TYW1: variants seen among roughly 807,000 people sequenced by gnomAD.
TYW1 encodes the protein tRNA-yW synthesizing protein 1 homolog.
In TYW1, 46 loss-of-function variants were observed where a neutral mutation model predicts 96.2. That is an observed-to-expected ratio of 0.48 (90% CI 0.38 to 0.61). The LOEUF is 0.61. TYW1 is among the 20% of genes least tolerant of loss of function. The probability of loss-of-function intolerance (pLI) is 0.00; values close to 1 mark genes in which losing one functional copy is unlikely to be tolerated. For missense variants in TYW1, 684 were observed against 909.6 expected (o/e 0.75, Z 3.19); for synonymous variants, 274 against 323.0 (o/e 0.85, Z 1.63).
At chr7:67,191,246 A>C (rs1269927571) in intron 14 of TYW1, among the ~76,000 whole-genome samples, 1 of 152,172 alleles carries the variant, frequency 6.6e-6, no homozygotes, top group African/African-American at 2.4e-5. Context: ...ACATTTCAGC[A>C]TGAGGTTTGA....
At chr7:67,050,407 G>A (rs10238245) in intron 8 of TYW1, among the ~76,000 whole-genome samples, 36,436 of 152,010 alleles carry the variant, frequency 0.24, 4,628 homozygotes, top group African/African-American at 0.31. Context: ...TCATATCTGG[G>A]TTTTTGTGGT....
chr7:67,004,986 C>T (rs1793520172), intron 3 of TYW1, among the ~76,000 whole-genome samples: 1 of 152,114 alleles, frequency 6.6e-6, no homozygotes, highest in African/African-American at 2.4e-5. Flanking sequence ...CAACTCCTGA[C>T]CTCAGGTGAT....
At chr7:67,168,753 C>T (rs552660702) in intron 13 of TYW1, among the ~76,000 whole-genome samples, 43 of 151,844 alleles carry the variant, frequency 2.8e-4, no homozygotes, top group African/African-American at 1.0e-3. Flanking sequence ...GCTCTGTTGC[C>T]CAGGCTGGAG....
chr7:67,001,567 G>T (rs1426352516), intron 3 of TYW1, among the ~76,000 whole-genome samples: 1 of 151,376 alleles, frequency 6.6e-6, no homozygotes, highest in Admixed American at 6.6e-5. Context: ...GACTATAGGC[G>T]CCCACCACTA....
intron 13 of TYW1, among the ~76,000 whole-genome samples, chr7:67,126,602 A>T (rs985042799): frequency 3.3e-5 from 5 of 152,132 alleles, no homozygotes; most frequent in African/African-American, 1.2e-4. Flanking sequence ...TTTGCCTTTT[A>T]CATTTAATTT....
At chr7:67,220,952 CG>C (rs1214389487) in intron 15 of TYW1, among the ~76,000 whole-genome samples, 24 of 151,944 alleles carry the variant, frequency 1.6e-4, no homozygotes, top group Admixed American at 1.2e-3. Flanking sequence ...GTCTTGAACT[CG>C]GGACCTCAGG....
intron 12 of TYW1, among the ~76,000 whole-genome samples, chr7:67,102,926 G>A (rs62468374): frequency 0.04 from 6,090 of 152,302 alleles, 180 homozygotes; most frequent in Middle Eastern, 0.1. Flanking sequence ...TGGGATTATA[G>A]GCGTGAGCCA....
At chr7:67,153,500 A>G (rs542426545) in intron 13 of TYW1, among the ~76,000 whole-genome samples, 1 of 152,328 alleles carries the variant, frequency 6.6e-6, no homozygotes, top group East Asian at 1.9e-4. Context: ...ATATATGTAG[A>G]TGTATATTTG....
intron 11 of TYW1, among the ~76,000 whole-genome samples, chr7:67,092,514 T>A (rs1300236354): frequency 6.6e-6 from 1 of 152,046 alleles, no homozygotes; most frequent in Non-Finnish European, 1.5e-5. Flanking sequence ...GTCTTTGCCC[T>A]CTTGGCCTAC....
At chr7:67,072,164 G>A (rs2115699751) in intron 10 of TYW1, among the ~76,000 whole-genome samples, 1 of 148,772 alleles carries the variant, frequency 6.7e-6, no homozygotes, top group South Asian at 2.2e-4. Flanking sequence ...ATTCAGCTGT[G>A]TATTGTTTAC....
At chr7:67,098,512 A>C (rs1796988010) in intron 11 of TYW1, 29 bp from the exon 12 acceptor site, 1 of 1,525,354 alleles carries the variant, frequency 6.6e-7, no homozygotes, top group Admixed American at 2.1e-5. Context: ...TGCCTTATGT[A>C]GCTGGGTCCT....
rs1218418243 is a variant in TYW1, at chr7:67,010,664, A to G, written c.375+980A>G. Among the ~76,000 whole-genome samples the G allele has an allele frequency of 3.3e-5, 5 of 151,772 alleles. No homozygotes were observed. In the South Asian group the frequency reaches 1.0e-3, roughly 32 times the overall value. On this transcript the variant is annotated intron_variant, in intron 4 of 15. Transcript: ENST00000359626. The stretch of plus-strand genomic sequence containing the variant: ...CAAATTTTTTGTATTTTTAGTAGAG[A>G]TGGGGTTTCACCGTGTTCGCCAGGA...
chr7:67,134,313 T>C (rs1314323240), intron 13 of TYW1, among the ~76,000 whole-genome samples: 2 of 151,834 alleles, frequency 1.3e-5, no homozygotes, highest in African/African-American at 4.8e-5. Context: ...GAGACTGAGG[T>C]GGGTGGATCA....
chr7:67,043,965 A>C (rs1259680062), intron 7 of TYW1, among the ~76,000 whole-genome samples: 1 of 152,154 alleles, frequency 6.6e-6, no homozygotes, highest in East Asian at 1.9e-4. Context: ...AGAAATAGGA[A>C]TCTAAATGTG....
chr7:67,158,143 C>T (rs1364027606), intron 13 of TYW1, among the ~76,000 whole-genome samples: 2 of 136,566 alleles, frequency 1.5e-5, no homozygotes, highest in Admixed American at 1.7e-4. Flanking sequence ...GGCTGGAGTG[C>T]AGTGGCACGC....
At chr7:67,046,602 A>G (rs1795195041) in intron 7 of TYW1, among the ~76,000 whole-genome samples, 1 of 152,240 alleles carries the variant, frequency 6.6e-6, no homozygotes, top group Non-Finnish European at 1.5e-5. Flanking sequence ...TGGTTGTTAT[A>G]TTGTTACATT....
rs1050295751 is a variant in TYW1, at chr7:67,232,506, A to C, written c.1978-5802A>C. On this transcript the variant is annotated intron_variant, in intron 15 of 15. Coordinates refer to ENST00000359626, the MANE Select transcript of TYW1 (RefSeq NM_018264.4). ...AATGAAGCCGAGATTGCGCCACTGC[A>C]CTCCAGCCTGGGCAACAGAGCATGA... is the stretch of plus-strand genomic sequence containing the variant. 2.7e-5 allele frequency among the ~76,000 whole-genome samples: 4 copies of C among 149,670 alleles called. 1 individual carries two copies. The highest frequency in any genetic ancestry group is 5.0e-5 in the African/African-American group (2 of 40,056).
chr7:67,020,886 G>A (rs886705574), intron 6 of TYW1, among the ~76,000 whole-genome samples: 1 of 152,244 alleles, frequency 6.6e-6, no homozygotes, highest in African/African-American at 2.4e-5. Context: ...AAATTAGCTG[G>A]GTATGCTGGC....
In TYW1 at chr7:67,008,672, A is replaced by G. The variant is rs149187742; in HGVS notation, c.274-911A>G. ...CTTCACTCTTTCTTTTATTTTATTTATTTATTTATTTTGGAGATGGAGTTT... is the reference window on the plus strand; with the variant it reads ...CTTCACTCTTTCTTTTATTTTATTTGTTTATTTATTTTGGAGATGGAGTTT... On this transcript the variant is annotated intron_variant, in intron 3 of 15. Transcript: ENST00000359626. Among the ~76,000 whole-genome samples the G allele has an allele frequency of 6.5e-3, 988 of 151,074 alleles. 11 individuals are homozygous for G. Among genetic ancestry groups the G allele is most frequent in the African/African-American group, 0.023 (939 of 41,058 alleles).
Sources: gnomAD v4.1 joint callset for allele counts (sites outside exome capture counted in the v4.1 genomes callset) on GRCh38, gnomAD v4.1.1 for gene constraint, MANE v1.5 for transcripts, NCBI Gene and HGNC (gene_info 2026-07-23, HGNC 2026-07-21) for gene names.